RPTOR: variants seen among roughly 807,000 people sequenced by gnomAD.
RPTOR encodes the protein regulatory-associated protein of mTOR.
In RPTOR, 21 loss-of-function variants were observed where a neutral mutation model predicts 169.9. The observed-to-expected ratio is 0.12, with a 90% CI of 0.09 to 0.18. RPTOR has a LOEUF of 0.18. Among genes scored for constraint, RPTOR ranks in the 10% least tolerant of loss-of-function variants. The probability of loss-of-function intolerance (pLI) is 1.00; values close to 1 mark genes in which losing one functional copy is unlikely to be tolerated. For synonymous variants in RPTOR, 732 were observed against 753.2 expected (o/e 0.97, Z 0.46); for missense variants, 1,133 against 1,855.9 (o/e 0.61, Z 7.16).
At chr17:80,662,014 T>TA (rs1348499874) in intron 3 of RPTOR, among the ~76,000 whole-genome samples, 1 of 152,264 alleles carries the variant, frequency 6.6e-6, no homozygotes, top group Non-Finnish European at 1.5e-5. Flanking sequence ...CCGTTTTTCA[T>TA]ATGCCTTTCT....
chr17:80,873,430 G>A (rs1336255755), intron 13 of RPTOR, among the ~76,000 whole-genome samples: 2 of 152,150 alleles, frequency 1.3e-5, no homozygotes, highest in Non-Finnish European at 2.9e-5. Flanking sequence ...TGCCTCCTGG[G>A]ACTAATAAAG....
intron 3 of RPTOR, among the ~76,000 whole-genome samples, chr17:80,660,411 C>T (rs912677985): frequency 1.3e-5 from 2 of 151,968 alleles, no homozygotes; most frequent in Non-Finnish European, 2.9e-5. Flanking sequence ...GCAGTTTTTT[C>T]CTTAGTGACA....
At chr17:80,876,753 G>T (rs12948430) in intron 13 of RPTOR, among the ~76,000 whole-genome samples, 4 of 92,782 alleles carry the variant, frequency 4.3e-5, no homozygotes, top group African/African-American at 4.3e-5. Flanking sequence ...CCCGTGCCAC[G>T]CAGGGTGTGT....
intron 3 of RPTOR, among the ~76,000 whole-genome samples, chr17:80,685,617 A>ATTTT (rs2065935265): frequency 8.2e-5 from 1 of 12,230 alleles, no homozygotes. Flanking sequence ...ATATATATAT[A>ATTTT]TATATATATA....
intron 20 of RPTOR, among the ~76,000 whole-genome samples, chr17:80,907,743 C>T (rs576219028): frequency 6.6e-6 from 1 of 152,358 alleles, no homozygotes; most frequent in Admixed American, 6.5e-5. Flanking sequence ...TCCCCATCAC[C>T]TCCGTGTTTT....
chr17:80,818,457 C>T (rs911073813), intron 7 of RPTOR, among the ~76,000 whole-genome samples: 7 of 152,076 alleles, frequency 4.6e-5, no homozygotes, highest in African/African-American at 1.7e-4. Flanking sequence ...AGTGGCCTCC[C>T]GAGTTGGGCA....
chr17:80,927,402 A>G (rs954144610), intron 24 of RPTOR, among the ~76,000 whole-genome samples: 10 of 152,192 alleles, frequency 6.6e-5, no homozygotes, highest in African/African-American at 2.2e-4. Flanking sequence ...CTTTTCTTGA[A>G]GTCCTTGAAA....
chr17:80,896,619 A>G (rs2068409542), intron 20 of RPTOR, among the ~76,000 whole-genome samples: 1 of 149,694 alleles, frequency 6.7e-6, no homozygotes, highest in South Asian at 2.1e-4. Context: ...CGGGGGCAGC[A>G]CCTTTGAGCC....
intron 4 of RPTOR, among the ~76,000 whole-genome samples, chr17:80,709,358 A>T (rs1369826992): frequency 6.6e-6 from 1 of 152,066 alleles, no homozygotes; most frequent in African/African-American, 2.4e-5. Flanking sequence ...GGCGCCTGGC[A>T]CAGTGAATTT....
At chr17:80,567,708 C>G (rs932369237) in intron 1 of RPTOR, among the ~76,000 whole-genome samples, 1 of 151,518 alleles carries the variant, frequency 6.6e-6, no homozygotes, top group Non-Finnish European at 1.5e-5. Flanking sequence ...AGGAGAATTG[C>G]TTGAACCCGG....
chr17:80,924,766 G>A (rs377455211), intron 23 of RPTOR, among the ~76,000 whole-genome samples: 8 of 152,298 alleles, frequency 5.3e-5, no homozygotes, highest in African/African-American at 1.4e-4. Flanking sequence ...GCCACATGGC[G>A]TGGCACAGGA....
intron 2 of RPTOR, among the ~76,000 whole-genome samples, chr17:80,638,520 G>A (rs2065527049): frequency 6.8e-6 from 1 of 147,836 alleles, no homozygotes; most frequent in Non-Finnish European, 1.5e-5. Flanking sequence ...TCCCACCTCA[G>A]CCTCCTGAGT....
chr17:80,949,197 G>A (rs903051638), intron 27 of RPTOR, among the ~76,000 whole-genome samples: 1 of 152,168 alleles, frequency 6.6e-6, no homozygotes, highest in East Asian at 1.9e-4. Flanking sequence ...TGGCCAGGGT[G>A]GGACAGGATT....
chr17:80,930,750 C>T (rs1367188416), intron 24 of RPTOR, among the ~76,000 whole-genome samples: 1 of 152,254 alleles, frequency 6.6e-6, no homozygotes, highest in African/African-American at 2.4e-5. Flanking sequence ...GACGTAGCTT[C>T]TCTGACTTTG....
intron 19 of RPTOR, 37 bp from the exon 20 acceptor site, chr17:80,893,670 C>T (rs772938850): frequency 3.1e-5 from 49 of 1,586,742 alleles, no homozygotes; most frequent in Middle Eastern, 1.7e-4. Context: ...AGGAGGGTCC[C>T]GGGAGCACCC....
intron 21 of RPTOR, among the ~76,000 whole-genome samples, chr17:80,918,550 G>A (rs574020083): frequency 6.7e-6 from 1 of 149,298 alleles, no homozygotes; most frequent in Admixed American, 6.6e-5. Context: ...GCACCCTCAC[G>A]GGGGTCATAG....
At chr17:80,857,929 T>C in intron 13 of RPTOR, 29 bp downstream of exon 13, 2 of 1,562,088 alleles carry the variant, frequency 1.3e-6, no homozygotes, top group Non-Finnish European at 1.8e-6. Context: ...CTCCCCAGAG[T>C]GATGTGAACC....
At chr17:80,742,145 T>C (rs571159038) in intron 5 of RPTOR, among the ~76,000 whole-genome samples, 3 of 152,210 alleles carry the variant, frequency 2.0e-5, no homozygotes, top group Non-Finnish European at 4.4e-5. Flanking sequence ...GGCGATGCCA[T>C]GTGGAAGCTC....
intron 1 of RPTOR, chr17:80,602,806 G>A (rs970170533): frequency 1.6e-5 from 11 of 680,546 alleles, no homozygotes; most frequent in African/African-American, 5.3e-5. Flanking sequence ...CAAGGGGCAC[G>A]CTTCATGAAG....
Sources: gnomAD v4.1 joint callset for allele counts (sites outside exome capture counted in the v4.1 genomes callset) on GRCh38, gnomAD v4.1.1 for gene constraint, MANE v1.5 for transcripts, NCBI Gene and HGNC (gene_info 2026-07-23, HGNC 2026-07-21) for gene names.